Variants in RNF14 observed in about 807,000 individuals in gnomAD.
RNF14 encodes ring finger protein 14, also known as E3 ubiquitin-protein ligase RNF14.
In RNF14, 26 loss-of-function variants were observed where a neutral mutation model predicts 52.6. The ratio of observed to expected loss-of-function variants is 0.49; its 90% CI spans 0.36 to 0.69. The LOEUF is 0.69. Ranked by LOEUF, RNF14 falls within the 30% of genes least tolerant of loss-of-function variation. RNF14 has a pLI of 0.00. For synonymous variants in RNF14, 194 were observed against 202.0 expected (o/e 0.96, Z 0.34); for missense variants, 404 against 560.4 (o/e 0.72, Z 2.82).
At chr5:141,967,870 C>G (rs1753407561), upstream of RNF14, among the ~76,000 whole-genome samples, 1 of 152,158 alleles carries the variant, frequency 6.6e-6, no homozygotes, top group South Asian at 2.1e-4. Flanking sequence ...ATTAACTCTT[C>G]AAAAGTATAC....
chr5:141,966,463 C>A (rs1753351901), upstream of RNF14, among the ~76,000 whole-genome samples: 1 of 152,068 alleles, frequency 6.6e-6, no homozygotes, highest in Non-Finnish European at 1.5e-5. Flanking sequence ...TCTCTTCTGT[C>A]AAGTGGGCAC....
At chr5:141,977,083 G>A (rs1754337232) in intron 4 of RNF14, among the ~76,000 whole-genome samples, 3 of 152,200 alleles carry the variant, frequency 2.0e-5, no homozygotes, top group African/African-American at 7.2e-5. Context: ...GAGCCACCAC[G>A]CCCAGCCCCA....
the RNF14 span, among the ~76,000 whole-genome samples, chr5:141,950,768 C>A: frequency 1.3e-5 from 2 of 152,200 alleles, no homozygotes; most frequent in South Asian, 4.1e-4. Flanking sequence ...TTGCCACTCA[C>A]TTGTTACATG....
intron 1 of RNF14, 129 bp from the exon 2 acceptor site, chr5:141,970,575 G>A (rs1753656800): frequency 6.6e-6 from 1 of 152,226 alleles, no homozygotes; most frequent in African/African-American, 2.4e-5. Flanking sequence ...CCCTAGGAGA[G>A]TAACATGCAC....
intron 6 of RNF14, among the ~76,000 whole-genome samples, chr5:141,981,208 T>C (rs1013593131): frequency 1.2e-4 from 18 of 152,260 alleles, no homozygotes; most frequent in Admixed American, 9.8e-4. Context: ...TTATATTTGT[T>C]ACACTGGTGT....
rs1184266317 is a variant in RNF14, at chr5:141,990,109, A to AAAT, written c.*2321_*2322insTAA. 6.6e-6 allele frequency: 1 copy of AAAT among 152,182 alleles called. No individual in the cohort carries two copies. Among genetic ancestry groups the AAAT allele is most frequent in the Non-Finnish European group, 1.5e-5 (1 of 68,044 alleles). The allele number at this position is 152,182 out of a possible 1,614,324, so 9.4% of individuals were successfully genotyped here. ...TTTTAACAAAGAAAATAGGGCTTAT[A>AAAT]AAGTTATACTTTTGAAGCATGAGTT... On this transcript the variant is annotated 3_prime_UTR_variant, in exon 9 of 9. Coordinates refer to ENST00000394520, the MANE Select transcript of RNF14 (RefSeq NM_004290.5).
the RNF14 span, chr5:141,952,787 A>G: frequency 1.3e-5 from 2 of 152,232 alleles, no homozygotes; most frequent in Admixed American, 6.5e-5. Context: ...GGTTTGAAAA[A>G]GTTAAAAATC....
At chr5:141,965,403 C>T (rs73276054), upstream of RNF14, among the ~76,000 whole-genome samples, 816 of 152,310 alleles carry the variant, frequency 5.4e-3, 4 homozygotes, top group African/African-American at 0.019. Context: ...CCCTAGGCTC[C>T]GTCATCATCC....
upstream of RNF14, chr5:141,957,275 G>A: frequency 6.2e-7 from 1 of 1,613,936 alleles, no homozygotes; most frequent in Non-Finnish European, 8.5e-7. The surrounding 1 kb of genome is among the most constrained non-coding windows in gnomAD (Gnocchi z 4.3). Flanking sequence ...AGTTCTGCAT[G>A]TTTGGTCTCA....
rs149008405 is a variant in RNF14 at position 141,977,481 on chromosome 5, C to T, written c.307-822C>T. 7.6e-4 allele frequency among the ~76,000 whole-genome samples: 116 copies of T among 152,326 alleles called. 4 individuals are homozygous for T. The East Asian group carries it at 0.02, about 26-fold the overall frequency. ...AGAAAAGCTGCTTATAATTCCTGTG[C>T]TCTAGTTAAAAATATTTTATATTTC... On this transcript the variant is annotated intron_variant, in intron 4 of 8. Transcript: ENST00000394520.
rs1033341892 is a variant in RNF14, at chr5:141,981,599, C to T, written c.1063+1248C>T. 2.6e-5 allele frequency: 4 copies of T among 152,264 alleles called. No homozygotes were observed. The East Asian group carries it at 7.7e-4, about 29-fold the overall frequency. The allele number at this position is 152,264 out of a possible 1,614,324, so 9.4% of individuals were successfully genotyped here. On this transcript the variant is annotated intron_variant, in intron 6 of 8. Coordinates refer to ENST00000394520, the MANE Select transcript of RNF14 (RefSeq NM_004290.5). ...CAGAATGGGGCTGGGCATAGTGGCT[C>T]ACCTCTGTAATCTCAGCACTTTGGG...
At chr5:141,976,770 C>CAA in intron 4 of RNF14, among the ~76,000 whole-genome samples, 1 of 144,940 alleles carries the variant, frequency 6.9e-6, no homozygotes, top group Non-Finnish European at 1.5e-5. Flanking sequence ...AGCTGCCTTT[C>CAA]TCTCTCTTTT....
At chr5:141,954,986 A>G, upstream of RNF14, 1 of 1,612,256 alleles carries the variant, frequency 6.2e-7, no homozygotes, top group Non-Finnish European at 8.5e-7. Context: ...ACAGGAGGAG[A>G]ATCCACAGTG....
chr5:141,974,754 C>T (rs1465965561), intron 3 of RNF14, 50 bp from the exon 4 acceptor site: 1 of 1,569,646 alleles, frequency 6.4e-7, no homozygotes, highest in South Asian at 1.1e-5. Flanking sequence ...CAGTAGTGGA[C>T]ACTCAAGTGT....
chr5:141,972,808 C>T (rs2126983838), intron 2 of RNF14, among the ~76,000 whole-genome samples: 1 of 152,214 alleles, frequency 6.6e-6, no homozygotes, highest in Non-Finnish European at 1.5e-5. Context: ...CCAGGCTGGT[C>T]TCGAACTCCT....
At chr5:141,981,346 T>A (rs1754757726) in intron 6 of RNF14, among the ~76,000 whole-genome samples, 1 of 152,234 alleles carries the variant, frequency 6.6e-6, no homozygotes, top group Non-Finnish European at 1.5e-5. Flanking sequence ...ACTGTGGTGG[T>A]GCACACCTGT....
Position 141,983,539 on chromosome 5 carries a change from G to T in RNF14, c.1223G>T (p.Gly408Val). The T allele has an allele frequency of 6.2e-7, 1 of 1,611,114 alleles. No individual in the cohort carries two copies. Reference protein sequence around the residue: ...EKNSKSCPCCGTPIEKLDGCN... With the variant: ...EKNSKSCPCCVTPIEKLDGCN... ...AACTCAAAGAGCTGCCCATGTTGTG[G>T]AACTCCCATAGAGGTAAATGTTTTG... The change falls in exon 7 of 9, where the codon GGA (glycine) becomes GTA (valine). Residue 408 changes from glycine (G) to valine (V), a missense_variant. Gly to Val is a moderately radical substitution (Grantham distance 109). Coordinates refer to ENST00000394520, the MANE Select transcript of RNF14 (RefSeq NM_004290.5).
upstream of RNF14, chr5:141,957,954 TC>T: frequency 7.4e-7 from 1 of 1,360,146 alleles, no homozygotes; most frequent in Non-Finnish European, 9.9e-7. The surrounding 1 kb of genome is among the most constrained non-coding windows in gnomAD (Gnocchi z 4.3). Flanking sequence ...CCGTGCTCCT[TC>T]CCCCAGAGCT....
the RNF14 span, chr5:141,949,517 C>T: frequency 6.2e-7 from 1 of 1,614,210 alleles, no homozygotes; most frequent in Non-Finnish European, 8.5e-7. Flanking sequence ...AAGGCCCTTC[C>T]TCCTGTTCTG....
Sources: allele counts gnomAD v4.1 joint callset (sites outside exome capture counted in the v4.1 genomes callset), GRCh38; gene constraint gnomAD v4.1.1; non-coding constraint Gnocchi (gnomAD v3.1); transcripts MANE v1.5; gene names NCBI Gene and HGNC (gene_info 2026-07-23, HGNC 2026-07-21).